The following PLEK variants were observed in gnomAD, a reference collection of about 807,000 sequenced individuals.
The protein encoded by PLEK is pleckstrin.
A neutral mutation model predicts 43.9 loss-of-function variants in PLEK; 25 were observed. The observed-to-expected ratio is 0.57, with a 90% confidence interval of 0.41 to 0.79. The LOEUF (loss-of-function observed/expected upper bound fraction) is 0.79, where lower values mean the gene tolerates loss of function less well. Ranked by LOEUF, PLEK falls within the 30% of genes least tolerant of loss-of-function variation. The probability of loss-of-function intolerance (pLI) is 0.00; values close to 1 mark genes in which losing one functional copy is unlikely to be tolerated. For synonymous variants in PLEK, 152 were observed against 144.4 expected (o/e 1.05, Z -0.38); for missense variants, 396 against 413.3 (o/e 0.96, Z 0.36).
chr2:68,391,916 GCTACACA>G (rs1473979644), intron 6 of PLEK, among the ~76,000 whole-genome samples: 1 of 152,142 alleles, frequency 6.6e-6, no homozygotes, highest in African/African-American at 2.4e-5. Context: ...TTTAAAATCT[GCTACACA>G]CTAATGGAAA....
rs1673882069 is a variant in PLEK at position 68,392,566 on chromosome 2, CT to C, written c.763-594del. Among the ~76,000 whole-genome samples the C allele has an allele frequency of 3.3e-5, 5 of 152,222 alleles. No individual in the cohort carries two copies. In the South Asian group the frequency reaches 1.0e-3, roughly 31 times the overall value. On this transcript the variant is annotated intron_variant, in intron 6 of 8. Transcript: ENST00000234313. ...AACCCTACATTCTAGCCAGACTGGT[CT>C]TATTCATCAACACCTGAGTATGTCT...
rs745470287 is a variant in PLEK, at chr2:68,388,351, C to G, written c.658-36C>G. On this transcript the variant is annotated intron_variant, in intron 5 of 8. Coordinates refer to ENST00000234313, the MANE Select transcript of PLEK (RefSeq NM_002664.3). Reference sequence around the variant, plus strand: ...GGCACAAGTTGCAATGTGCCTAAGACTGGTGATGTTAGCTTGCTGTTTGAT... The same window carrying G: ...GGCACAAGTTGCAATGTGCCTAAGAGTGGTGATGTTAGCTTGCTGTTTGAT... 4.8e-5 allele frequency: 59 copies of G among 1,235,182 alleles called. 2 individuals are homozygous for G. Among genetic ancestry groups the G allele is most frequent in the South Asian group, 2.5e-4 (21 of 83,416 alleles). The allele number at this position is 1,235,182 out of a possible 1,614,324, so 76.5% of individuals were successfully genotyped here.
At chr2:68,378,093 A>T (rs1313562747) in intron 1 of PLEK, among the ~76,000 whole-genome samples, 3 of 152,248 alleles carry the variant, frequency 2.0e-5, no homozygotes, top group South Asian at 2.1e-4. Flanking sequence ...GTATATGTAC[A>T]TTATTCACAT....
intron 1 of PLEK, among the ~76,000 whole-genome samples, chr2:68,377,570 C>T (rs984671420): frequency 6.6e-6 from 1 of 152,066 alleles, no homozygotes; most frequent in Non-Finnish European, 1.5e-5. Context: ...GTATGTCTGC[C>T]TTTGAGACAT....
chr2:68,366,002 G>A (rs112176884), intron 1 of PLEK, among the ~76,000 whole-genome samples: 3 of 152,058 alleles, frequency 2.0e-5, no homozygotes, highest in Admixed American at 2.0e-4. Context: ...AAAGATTAGG[G>A]TACTGAAAAA....
intron 1 of PLEK, among the ~76,000 whole-genome samples, chr2:68,375,474 G>A (rs1354599717): frequency 6.6e-6 from 1 of 152,204 alleles, no homozygotes; most frequent in East Asian, 1.9e-4. Context: ...TATTTCATGT[G>A]TTGGCACAGT....
chr2:68,380,848 A>G lies in PLEK; in HGVS notation c.324A>G (p.Lys108=), dbSNP rs140311998. The change falls in exon 3 of 9, where the codon AAA becomes AAG. Residue 108 remains lysine, a synonymous_variant. Transcript: ENST00000234313. ...KAIKCIEGGQ[K]FARKSTRRSI... ...TTAAATGCATTGAAGGAGGCCAGAA[A>G]TTTGCCAGGAAATCTACCAGGAGGT... 3.0e-4 allele frequency: 488 copies of G among 1,614,032 alleles called. 3 individuals carry two copies. The African/African-American group carries it at 5.9e-3, about 19-fold the overall frequency.
intron 1 of PLEK, among the ~76,000 whole-genome samples, chr2:68,369,944 T>C (rs1262056490): frequency 6.6e-6 from 1 of 150,918 alleles, no homozygotes; most frequent in Admixed American, 6.7e-5. Context: ...AATAGACTAG[T>C]TCCTTTGCCT....
chr2:68,375,220 T>C (rs1392716886), intron 1 of PLEK, among the ~76,000 whole-genome samples: 1 of 152,216 alleles, frequency 6.6e-6, no homozygotes, highest in Non-Finnish European at 1.5e-5. Flanking sequence ...ACTTTGAAAA[T>C]GCTAGGTACT....
chr2:68,367,028 T>C (rs1673288340), intron 1 of PLEK, among the ~76,000 whole-genome samples: 1 of 152,222 alleles, frequency 6.6e-6, no homozygotes, highest in African/African-American at 2.4e-5. Context: ...TTGTCAAGCA[T>C]GTGGATTTAA....
At chr2:68,368,811 T>G (rs1416524565) in intron 1 of PLEK, among the ~76,000 whole-genome samples, 3 of 152,202 alleles carry the variant, frequency 2.0e-5, no homozygotes, top group Non-Finnish European at 2.9e-5. Flanking sequence ...AGCTGTTGTT[T>G]CCAGGACAAC....
At chr2:68,383,008 A>G (rs1047318395) in intron 4 of PLEK, among the ~76,000 whole-genome samples, 6 of 152,206 alleles carry the variant, frequency 3.9e-5, no homozygotes, top group Admixed American at 2.6e-4. Flanking sequence ...TTAAATGACA[A>G]TATTAGGGCT....
chr2:68,390,032 A>C (rs1402350375), intron 6 of PLEK, among the ~76,000 whole-genome samples: 1 of 53,048 alleles, frequency 1.9e-5, no homozygotes, highest in Non-Finnish European at 3.0e-5. Flanking sequence ...AAAGCCAAGG[A>C]TGAAGGCTAA....
chr2:68,384,097 A>T (rs943483815), intron 4 of PLEK, among the ~76,000 whole-genome samples: 5 of 152,082 alleles, frequency 3.3e-5, no homozygotes, highest in African/African-American at 1.2e-4. Context: ...GGTCAGACTG[A>T]TTTCCACTGT....
At chr2:68,378,314 A>G (rs1390248408) in intron 1 of PLEK, among the ~76,000 whole-genome samples, 1 of 152,216 alleles carries the variant, frequency 6.6e-6, no homozygotes, top group African/African-American at 2.4e-5. Context: ...ACCCCAAATC[A>G]TAGCATACAC....
intron 1 of PLEK, 87 bp from the exon 2 acceptor site, chr2:68,380,241 A>C: frequency 9.2e-7 from 1 of 1,090,500 alleles, no homozygotes; most frequent in South Asian, 1.7e-5. Context: ...AACCAACTGT[A>C]AGTAAATATA....
At chr2:68,374,919 T>G (rs1193016303) in intron 1 of PLEK, among the ~76,000 whole-genome samples, 1 of 152,228 alleles carries the variant, frequency 6.6e-6, no homozygotes, top group African/African-American at 2.4e-5. Context: ...TTATACAGTT[T>G]ACTTATTCCT....
chr2:68,379,436 A>G (rs952266358), intron 1 of PLEK, among the ~76,000 whole-genome samples: 14 of 152,166 alleles, frequency 9.2e-5, no homozygotes, highest in African/African-American at 2.9e-4. Context: ...TTCCAACCGA[A>G]CACCAATAAT....
At chr2:68,367,879 T>G (rs1223314768) in intron 1 of PLEK, among the ~76,000 whole-genome samples, 1 of 152,208 alleles carries the variant, frequency 6.6e-6, no homozygotes, top group African/African-American at 2.4e-5. Flanking sequence ...ATTCACCTTT[T>G]TCTCTTATGC....
Sources: gnomAD v4.1 joint callset for allele counts (sites outside exome capture counted in the v4.1 genomes callset) on GRCh38, gnomAD v4.1.1 for gene constraint, MANE v1.5 for transcripts, NCBI Gene and HGNC (gene_info 2026-07-23, HGNC 2026-07-21) for gene names.